The following SACM1L variants were observed in gnomAD, a reference collection of about 807,000 sequenced individuals.
SACM1L encodes SAC1 like phosphatidylinositide phosphatase.
A neutral mutation model predicts 89.5 loss-of-function variants in SACM1L; 32 were observed. That is an observed-to-expected ratio of 0.36 (90% confidence interval 0.27 to 0.48). SACM1L has a LOEUF of 0.48. Among genes scored for constraint, SACM1L ranks in the 20% least tolerant of loss-of-function variants. The pLI, the probability that SACM1L is intolerant of heterozygous loss-of-function variation, is 0.99. For missense variants in SACM1L, 543 were observed against 708.5 expected, an observed-to-expected ratio of 0.77 and a Z score of 2.65; for synonymous variants, 213 against 232.8, an observed-to-expected ratio of 0.92 and a Z score of 0.77.
At chr3:45,709,359 G>A in intron 4 of SACM1L, 139 bp from the exon 5 acceptor site, 1 of 661,942 alleles carries the variant, frequency 1.5e-6, no homozygotes, top group Non-Finnish European at 2.5e-6. Flanking sequence ...GAAATGGCGA[G>A]CATCCCCCTC....
chr3:45,696,479 A>T (rs1199391765), intron 1 of SACM1L, among the ~76,000 whole-genome samples: 5 of 152,036 alleles, frequency 3.3e-5, no homozygotes, highest in Non-Finnish European at 7.4e-5. Context: ...TTGAGTATAT[A>T]CCCGGAAGTG....
Position 45,743,690 on chromosome 3 carries a change from G to A in SACM1L, c.*21G>A. 1 of 1,607,256 alleles carries A rather than the reference G, an allele frequency of 6.2e-7. No individual in the cohort carries two copies. The highest frequency in any genetic ancestry group is 1.7e-4 in the Middle Eastern group (1 of 6,020). On this transcript the variant is annotated 3_prime_UTR_variant, in exon 20 of 20. Coordinates refer to ENST00000389061, the MANE Select transcript of SACM1L (RefSeq NM_014016.5). The stretch of plus-strand genomic sequence containing the variant: ...ACTGAATTTGTATTTGTGGAAAGCG[G>A]CTTGGCTTGGAAGATTCCATTGTGC...
At position 45,738,833 on chromosome 3, in the gene SACM1L, A is replaced by T. The variant is rs1699258437; in HGVS notation, c.1529A>T (p.His510Leu). 1 of 1,611,150 alleles carries T rather than the reference A, an allele frequency of 6.2e-7. No homozygotes were observed. The highest frequency in any genetic ancestry group is 1.7e-5 in the Admixed American group (1 of 59,958). ...TATTCAGTGGATGAATTAGAATCTCATAGTCCTTTAAGTGTTCCAAGGGAC... is the reference window on the plus strand; with the variant it reads ...TATTCAGTGGATGAATTAGAATCTCTTAGTCCTTTAAGTGTTCCAAGGGAC... ...GNYSVDELES[H>L]SPLSVPRDWK... is the part of the protein sequence containing the mutation. The change falls in exon 18 of 20, where the codon CAT (histidine) becomes CTT (leucine). Residue 510 changes from histidine to leucine, a missense_variant. By Grantham distance (99) the His-to-Leu change is moderately conservative (BLOSUM62 -3). Transcript: ENST00000389061.
In SACM1L at chr3:45,706,971, G is replaced by C. The variant is rs1181738686; in HGVS notation, c.333+64G>C. On this transcript the variant is annotated intron_variant, in intron 4 of 19. Coordinates refer to ENST00000389061, the MANE Select transcript of SACM1L (RefSeq NM_014016.5). ...GAAGTAGCATGGGCTGGGGAGAGGA[G>C]GGTGAGGGTGTTGTGGAATACAAAG... 6 of 1,509,486 alleles carry C rather than the reference G, an allele frequency of 4.0e-6. No individual in the cohort carries two copies. The East Asian group carries it at 1.1e-4, about 29-fold the overall frequency. 93.5% of individuals were successfully genotyped at this position (1,509,486 alleles called of 1,614,324 possible). A position where few individuals can be genotyped will look rare whatever the true frequency, so the allele number is the denominator to read the frequency against.
intron 7 of SACM1L, among the ~76,000 whole-genome samples, chr3:45,715,834 GTGTTTTT>G (rs1297292233): frequency 6.6e-6 from 1 of 151,478 alleles, no homozygotes; most frequent in Non-Finnish European, 1.5e-5. Context: ...GCCAACTATG[GTGTTTTT>G]TGTTTTTTGT....
chr3:45,711,655 T>G (rs1351624178), intron 5 of SACM1L, among the ~76,000 whole-genome samples: 1 of 152,084 alleles, frequency 6.6e-6, no homozygotes, highest in Non-Finnish European at 1.5e-5. Context: ...ATCATAAAAG[T>G]GATAAATGGA....
rs1417927667 is a variant in SACM1L at position 45,722,965 on chromosome 3, T to C, written c.852+10T>C. 3 of 1,600,574 alleles carry C rather than the reference T, an allele frequency of 1.9e-6. No homozygotes were observed. The highest frequency in any genetic ancestry group is 1.7e-4 in the Middle Eastern group (1 of 6,036). Reference sequence around the variant, plus strand: ...CAAAGTAGCAAATCACGTGTGTATCTTGCATGCCTTTTTTGTTGGTTAAAA... The same window carrying C: ...CAAAGTAGCAAATCACGTGTGTATCCTGCATGCCTTTTTTGTTGGTTAAAA... On this transcript the variant is annotated intron_variant, in intron 10 of 19. Coordinates refer to ENST00000389061, the MANE Select transcript of SACM1L (RefSeq NM_014016.5).
At position 45,743,603 on chromosome 3, in the gene SACM1L, C is replaced by T; in HGVS notation, c.1698C>T (p.Ile566=). The T allele has an allele frequency of 5.6e-6, 9 of 1,614,064 alleles. No homozygotes were observed. The highest frequency in any genetic ancestry group is 7.6e-6 in the Non-Finnish European group (9 of 1,179,944). The part of the protein sequence containing the change: ...WGVASIGTFF[I]ILYNGKDFVD... ...TTGCAAGCATTGGAACATTTTTTATCATTCTTTACAATGGCAAAGATTTTG... is the reference window on the plus strand; with the variant it reads ...TTGCAAGCATTGGAACATTTTTTATTATTCTTTACAATGGCAAAGATTTTG... Residue 566 remains isoleucine (I), a synonymous_variant, in exon 20 of 20, where the codon ATC becomes ATT. Transcript: ENST00000389061.
chr3:45,695,983 T>C (rs1325940354), intron 1 of SACM1L, among the ~76,000 whole-genome samples: 1 of 151,308 alleles, frequency 6.6e-6, no homozygotes, highest in African/African-American at 2.4e-5. Flanking sequence ...TTGTGTAGCA[T>C]GTGTCAGAAT....
chr3:45,737,530 C>A, intron 14 of SACM1L, 53 bp from the exon 15 acceptor site: 2 of 1,525,004 alleles, frequency 1.3e-6, no homozygotes, highest in South Asian at 2.4e-5. Context: ...CTTCCTAAAC[C>A]ATGTCTGCTA....
intron 1 of SACM1L, among the ~76,000 whole-genome samples, chr3:45,692,151 A>C (rs1245383116): frequency 1.3e-5 from 2 of 152,130 alleles, no homozygotes; most frequent in African/African-American, 4.8e-5. Context: ...TGGTAGAGCC[A>C]AGAGATCTCA....
At chr3:45,700,851 T>C (rs1698248523) in intron 1 of SACM1L, among the ~76,000 whole-genome samples, 1 of 152,176 alleles carries the variant, frequency 6.6e-6, no homozygotes, top group Admixed American at 6.5e-5. Context: ...TTTGTATTTT[T>C]AGTAGAGATG....
chr3:45,691,871 C>G (rs1222327558), intron 1 of SACM1L, among the ~76,000 whole-genome samples: 1 of 152,194 alleles, frequency 6.6e-6, no homozygotes, highest in African/African-American at 2.4e-5. Flanking sequence ...CTTTCTAATG[C>G]TCTGGTTTTA....
chr3:45,733,048 T>G lies in SACM1L; in HGVS notation c.1100+897T>G, dbSNP rs572985939. ...CACAGAAGGGAAATTGACCTCCTGT[T>G]GTTGGGCAATTAGAGAAAACATTGG... On this transcript the variant is annotated intron_variant, in intron 13 of 19. Coordinates refer to ENST00000389061, the MANE Select transcript of SACM1L (RefSeq NM_014016.5). 5.3e-5 allele frequency among the ~76,000 whole-genome samples: 8 copies of G among 152,322 alleles called. No individual in the cohort carries two copies. In the South Asian group the frequency reaches 1.7e-3, roughly 32 times the overall value.
intron 4 of SACM1L, among the ~76,000 whole-genome samples, chr3:45,708,582 A>G (rs1056333602): frequency 6.6e-6 from 1 of 152,038 alleles, no homozygotes; most frequent in African/African-American, 2.4e-5. Context: ...TTTTTATTAT[A>G]TATATCAAGA....
At position 45,713,067 on chromosome 3, in the gene SACM1L, G is replaced by A. The variant is rs545157775; in HGVS notation, c.484-70G>A. ...AGCCATCAGAAAGAGACATTGATTG[G>A]TGTAGTTTTCTTTCTGTAGAAAGTA... On this transcript the variant is annotated intron_variant, in intron 5 of 19. Transcript: ENST00000389061. The A allele has an allele frequency of 2.4e-6, 3 of 1,249,420 alleles. No homozygotes were observed. The East Asian group carries it at 7.2e-5, about 30-fold the overall frequency. 77.4% of individuals were successfully genotyped at this position (1,249,420 alleles called of 1,614,324 possible).
intron 16 of SACM1L, among the ~76,000 whole-genome samples, chr3:45,738,352 A>G (rs1164367241): frequency 6.6e-6 from 1 of 152,202 alleles, no homozygotes; most frequent in East Asian, 1.9e-4. Context: ...TGTCTTTGCA[A>G]CTGGAATTAG....
intron 13 of SACM1L, chr3:45,734,950 G>A (rs929671552): frequency 1.8e-5 from 5 of 279,686 alleles, no homozygotes; most frequent in Non-Finnish European, 3.3e-5. Context: ...TGATTGATTT[G>A]CACAGCAACC....
At position 45,709,752 on chromosome 3, in the gene SACM1L, T is replaced by C. The variant is rs1698478706; in HGVS notation, c.483+105T>C. ...TGATTTTTCTCAGTCCTGGCTATCTTAGAATCATGTATGAGGCTTTGAAAA... is the reference window on the plus strand; with the variant it reads ...TGATTTTTCTCAGTCCTGGCTATCTCAGAATCATGTATGAGGCTTTGAAAA... On this transcript the variant is annotated intron_variant, in intron 5 of 19. Transcript: ENST00000389061. 4 of 998,022 alleles carry C rather than the reference T, an allele frequency of 4.0e-6. No homozygotes were observed. In the East Asian group the frequency reaches 1.1e-4, roughly 26 times the overall value. 61.8% of individuals were successfully genotyped at this position (998,022 alleles called of 1,614,324 possible).
Sources: allele counts gnomAD v4.1 joint callset (sites outside exome capture counted in the v4.1 genomes callset), GRCh38; gene constraint gnomAD v4.1.1; transcripts MANE v1.5; gene names NCBI Gene and HGNC (gene_info 2026-07-23, HGNC 2026-07-21).